THSD7A: variants seen among roughly 807,000 people sequenced by gnomAD.
The protein encoded by THSD7A is thrombospondin type-1 domain-containing protein 7A.
Under a neutral mutation model 231.3 loss-of-function variants are expected in THSD7A, and 96 were observed. The observed-to-expected ratio is 0.41, with a 90% CI of 0.35 to 0.49. The LOEUF is 0.49. Among genes scored for constraint, THSD7A ranks in the 20% least tolerant of loss-of-function variants. The pLI is 0.05. For missense variants in THSD7A, 2,290 were observed against 2,070.2 expected (o/e 1.11, Z -2.06); for synonymous variants, 940 against 743.3 (o/e 1.26, Z -4.30).
chr7:11,778,255 T>C (rs1783501702), intron 1 of THSD7A, among the ~76,000 whole-genome samples: 1 of 151,554 alleles, frequency 6.6e-6, no homozygotes, highest in African/African-American at 2.4e-5. Context: ...GGAAGACATA[T>C]TTCACTAAGT....
intron 1 of THSD7A, among the ~76,000 whole-genome samples, chr7:11,724,270 T>C (rs1781469169): frequency 6.6e-6 from 1 of 151,944 alleles, no homozygotes; most frequent in Non-Finnish European, 1.5e-5. Context: ...AGCTAAACTA[T>C]ATCAATTTCT....
chr7:11,485,339 T>C (rs947325066), intron 6 of THSD7A, among the ~76,000 whole-genome samples: 3 of 152,226 alleles, frequency 2.0e-5, no homozygotes, highest in Admixed American at 6.5e-5. Flanking sequence ...CAAATTCATC[T>C]GGACTTCATA....
intron 3 of THSD7A, among the ~76,000 whole-genome samples, chr7:11,591,762 T>C (rs571919182): frequency 8.5e-5 from 13 of 152,206 alleles, no homozygotes; most frequent in Middle Eastern, 3.4e-3. Flanking sequence ...GAAACACGAA[T>C]AATTGATGCC....
chr7:11,655,762 C>G (rs182770609), intron 1 of THSD7A, among the ~76,000 whole-genome samples: 1 of 152,032 alleles, frequency 6.6e-6, no homozygotes, highest in African/African-American at 2.4e-5. Flanking sequence ...CCAAATATCT[C>G]TAAATACTCT....
intron 9 of THSD7A, among the ~76,000 whole-genome samples, chr7:11,467,801 A>G (rs1429390072): frequency 6.6e-6 from 1 of 151,972 alleles, no homozygotes; most frequent in East Asian, 1.9e-4. Context: ...ACAAAATCAC[A>G]AATGTGTTTT....
chr7:11,744,416 GT>G (rs140146103), intron 1 of THSD7A, among the ~76,000 whole-genome samples: 10 of 151,104 alleles, frequency 6.6e-5, no homozygotes, highest in Admixed American at 1.3e-4. Context: ...ATGATACCAG[GT>G]TTTTTTATTA....
chr7:11,656,653 T>C (rs1782720029), intron 1 of THSD7A, among the ~76,000 whole-genome samples: 1 of 151,904 alleles, frequency 6.6e-6, no homozygotes, highest in Non-Finnish European at 1.5e-5. Flanking sequence ...TCTGGTTAAC[T>C]TAACCATTCC....
intron 9 of THSD7A, among the ~76,000 whole-genome samples, chr7:11,462,551 CTTCTTTAGGAGAATAT>C (rs142233957): frequency 0.011 from 1,745 of 152,242 alleles, 39 homozygotes; most frequent in African/African-American, 0.04. Context: ...TGTAATGAAT[CTTCTTTAGGAGAATAT>C]ATTCAGTGCT....
intron 1 of THSD7A, among the ~76,000 whole-genome samples, chr7:11,651,724 A>G (rs928364401): frequency 6.6e-6 from 1 of 152,000 alleles, no homozygotes; most frequent in African/African-American, 2.4e-5. Flanking sequence ...TAAAGGGCCA[A>G]TTATAGATCT....
chr7:11,721,523 TGA>T (rs1242595370), intron 1 of THSD7A, among the ~76,000 whole-genome samples: 3 of 151,682 alleles, frequency 2.0e-5, no homozygotes, highest in Admixed American at 2.0e-4. Context: ...TACGGAACTG[TGA>T]GTCAATAAAA....
intron 1 of THSD7A, among the ~76,000 whole-genome samples, chr7:11,711,139 T>A (rs977780577): frequency 6.6e-6 from 1 of 150,920 alleles, no homozygotes; most frequent in Non-Finnish European, 1.5e-5. Context: ...GTTGAAGTAA[T>A]ATAAATTAAT....
intron 4 of THSD7A, among the ~76,000 whole-genome samples, chr7:11,543,768 T>C (rs927233267): frequency 1.3e-5 from 2 of 152,238 alleles, no homozygotes; most frequent in African/African-American, 2.4e-5. Context: ...CATTTGTTCA[T>C]AATTTGACCA....
intron 1 of THSD7A, among the ~76,000 whole-genome samples, chr7:11,673,862 T>G (rs1055438155): frequency 6.6e-6 from 1 of 152,094 alleles, no homozygotes; most frequent in Non-Finnish European, 1.5e-5. Flanking sequence ...TGGAAAGAGA[T>G]GCACCAGGTC....
chr7:11,372,370 G>A lies in THSD7A; in HGVS notation c.*3424C>T, dbSNP rs959416119. ...TTTTTTTTACAATGCCTAGCAGAAT[G>A]TCTTATATGTCAATAAATATTTGCC... On this transcript the variant is annotated 3_prime_UTR_variant, in exon 28 of 28. Transcript: ENST00000423059. 2.8e-5 allele frequency: 4 copies of A among 142,632 alleles called. No homozygotes were observed. Among genetic ancestry groups the A allele is most frequent in the African/African-American group, 7.8e-5 (3 of 38,384 alleles). The allele number at this position is 142,632 out of a possible 1,614,324, so 8.8% of individuals were successfully genotyped here. A position where few individuals can be genotyped will look rare whatever the true frequency, so the allele number is the denominator to read the frequency against.
At chr7:11,582,751 G>A (rs1355759913) in intron 4 of THSD7A, among the ~76,000 whole-genome samples, 1 of 152,094 alleles carries the variant, frequency 6.6e-6, no homozygotes, top group African/African-American at 2.4e-5. Flanking sequence ...TTCTGTAGCT[G>A]CTGAAAATTT....
At position 11,590,763 on chromosome 7, in the gene THSD7A, T is replaced by C; in HGVS notation, c.1272-122A>G. 6 of 1,138,872 alleles carry C rather than the reference T, an allele frequency of 5.3e-6. No homozygotes were observed. The highest frequency in any genetic ancestry group is 7.3e-6 in the Non-Finnish European group (6 of 821,860). The allele number at this position is 1,138,872 out of a possible 1,614,324, so 70.5% of individuals were successfully genotyped here. ...AATCATTTTCCTAGAGAATCCATCG[T>C]AGACTACATCTATGGTGCATATTTG... On this transcript the variant is annotated intron_variant, in intron 3 of 27. Transcript: ENST00000423059. The surrounding 1 kb of genome is among the most constrained non-coding windows in gnomAD (Gnocchi z 4.4).
chr7:11,745,932 T>G (rs1287148727), intron 1 of THSD7A, among the ~76,000 whole-genome samples: 1 of 152,086 alleles, frequency 6.6e-6, no homozygotes, highest in Non-Finnish European at 1.5e-5. Context: ...ATGCAGGCTC[T>G]TTTTTGGTTC....
chr7:11,389,350 C>T (rs1782887331), intron 23 of THSD7A, among the ~76,000 whole-genome samples: 1 of 148,954 alleles, frequency 6.7e-6, no homozygotes, highest in Non-Finnish European at 1.5e-5. Context: ...ATATTTAATG[C>T]CCTTCTTCGT....
At chr7:11,703,676 GT>G (rs1239938068) in intron 1 of THSD7A, among the ~76,000 whole-genome samples, 19 of 151,200 alleles carry the variant, frequency 1.3e-4, no homozygotes, top group African/African-American at 4.1e-4. Flanking sequence ...GTACAATGTG[GT>G]GTCTGACTGT....
Sources: gnomAD v4.1 joint callset for allele counts (sites outside exome capture counted in the v4.1 genomes callset) on GRCh38, gnomAD v4.1.1 for gene constraint, Gnocchi (gnomAD v3.1) non-coding constraint, MANE v1.5 for transcripts, NCBI Gene and HGNC (gene_info 2026-07-23, HGNC 2026-07-21) for gene names.